The following SPTB variants were observed in gnomAD, a reference collection of about 807,000 sequenced individuals.
SPTB encodes the protein spectrin beta chain, erythrocytic.
A neutral mutation model predicts 256.2 loss-of-function variants in SPTB; 45 were observed. The ratio of observed to expected loss-of-function variants is 0.18; its 90% CI spans 0.14 to 0.23. The LOEUF is 0.23. Ranked by LOEUF, SPTB falls within the 10% of genes least tolerant of loss-of-function variation. SPTB has a pLI of 1.00. For synonymous variants in SPTB, 1,231 were observed against 1,243.1 expected (o/e 0.99, Z 0.21); for missense variants, 2,715 against 3,040.4 (o/e 0.89, Z 2.52).
rs1301821602 is a variant in SPTB, at chr14:64,802,308, T to G, written c.484A>C (p.Ile162Leu). ...CGACCTTCCTGAGTTTGGACCACAA[T>G]GTCCTGAATCTGAGGGTAGCAGAAC... ...TIILRFQIQDIVVQTQEGRET... is the reference protein window; with the variant it reads ...TIILRFQIQDLVVQTQEGRET... The change falls in exon 5 of 36, where the codon ATT becomes CTT. Residue 162 changes from isoleucine (I) to leucine (L), a missense_variant. Coordinates refer to ENST00000644917, the MANE Select transcript of SPTB (RefSeq NM_001355436.2). This position sits in a 1 kb window ranked among gnomAD's most constrained non-coding sequence, Gnocchi z 5.1. 3 of 1,614,066 alleles carry G rather than the reference T, an allele frequency of 1.9e-6. No homozygotes were observed. Among genetic ancestry groups the G allele is most frequent in the African/African-American group, 2.7e-5 (2 of 74,932 alleles).
intron 2 of SPTB, among the ~76,000 whole-genome samples, chr14:64,808,718 C>T (rs1269645297): frequency 6.6e-6 from 1 of 152,106 alleles, no homozygotes; most frequent in African/African-American, 2.4e-5. Flanking sequence ...TCAAACCCAC[C>T]AATTAACTTT....
At chr14:64,814,222 T>C (rs77882604) in intron 2 of SPTB, among the ~76,000 whole-genome samples, 1,653 of 152,250 alleles carry the variant, frequency 0.011, 59 homozygotes, top group East Asian at 0.064. Context: ...GCTTGGGGTA[T>C]AGTAATTCAA....
intron 8 of SPTB, 150 bp from the exon 9 acceptor site, chr14:64,800,084 A>G: frequency 8.5e-6 from 8 of 941,032 alleles, no homozygotes; most frequent in Non-Finnish European, 1.3e-5. Flanking sequence ...CCTGAGCCCA[A>G]GTGTGCTGGT....
intron 1 of SPTB, among the ~76,000 whole-genome samples, chr14:64,867,625 G>A (rs560867920): frequency 2.0e-5 from 3 of 152,226 alleles, no homozygotes; most frequent in African/African-American, 4.8e-5. Flanking sequence ...AGACCGAGGC[G>A]GGCACATCAC....
At chr14:64,773,828 T>C (rs1009445448) in intron 24 of SPTB, among the ~76,000 whole-genome samples, 3 of 152,052 alleles carry the variant, frequency 2.0e-5, no homozygotes, top group African/African-American at 7.2e-5. Context: ...GCCCAGACAA[T>C]GTGGCTCCCA....
rs374608409 is a variant in SPTB, at chr14:64,796,203, G to C, written c.1341+354C>G. Among the ~76,000 whole-genome samples the C allele has an allele frequency of 3.9e-5, 6 of 152,126 alleles. No individual in the cohort carries two copies. The highest frequency in any genetic ancestry group is 1.4e-4 in the African/African-American group (6 of 41,418). On this transcript the variant is annotated intron_variant, in intron 11 of 35. Coordinates refer to ENST00000644917, the MANE Select transcript of SPTB (RefSeq NM_001355436.2). The surrounding 1 kb of genome is among the most constrained non-coding windows in gnomAD (Gnocchi z 4.1). ...TTATGTCACAGCACCAGAGACCAGA[G>C]TCCAAAAGGCATGCCTGACACAGAC...
rs535591389 is a variant in SPTB, at chr14:64,866,723, A to C, written c.-52+13069T>G. Among the ~76,000 whole-genome samples, 1 of 152,284 alleles carries C rather than the reference A, an allele frequency of 6.6e-6. No homozygotes were observed. The highest frequency in any genetic ancestry group is 2.4e-5 in the African/African-American group (1 of 41,562). On this transcript the variant is annotated intron_variant, in intron 1 of 35. Coordinates refer to ENST00000644917, the MANE Select transcript of SPTB (RefSeq NM_001355436.2). This position sits in a 1 kb window ranked among gnomAD's most constrained non-coding sequence, Gnocchi z 4.6. Reference sequence around the variant, plus strand: ...GGTGAGGCTCACTTTTTGTCCGGGTAAGGCAGAAATGAGGGCAGAACAAGC... The same window carrying C: ...GGTGAGGCTCACTTTTTGTCCGGGTCAGGCAGAAATGAGGGCAGAACAAGC...
rs936565015 is a variant in SPTB at position 64,779,948 on chromosome 14, C to T, written c.4267-17G>A. 16 of 1,609,120 alleles carry T rather than the reference C, an allele frequency of 9.9e-6. No homozygotes were observed. The highest frequency in any genetic ancestry group is 8.0e-5 in the African/African-American group (6 of 74,790). On this transcript the variant is annotated splice_polypyrimidine_tract_variant and intron_variant, in intron 20 of 35. Coordinates refer to ENST00000644917, the MANE Select transcript of SPTB (RefSeq NM_001355436.2). This position sits in a 1 kb window ranked among gnomAD's most constrained non-coding sequence, Gnocchi z 4.2. ...CTCCACTCGCTGAGACACAAGGGGA[C>T]GGTGTCAGCACCAGCCTTGGCACCT...
At chr14:64,877,002 T>C (rs1882855777) in intron 1 of SPTB, among the ~76,000 whole-genome samples, 1 of 152,186 alleles carries the variant, frequency 6.6e-6, no homozygotes. Flanking sequence ...CATGGAAGGC[T>C]GGGTTCAGTG....
rs749720804 is a variant in SPTB at position 64,802,397 on chromosome 14, C to T, written c.475-80G>A. 1.8e-4 allele frequency: 240 copies of T among 1,305,108 alleles called. No individual in the cohort carries two copies. The highest frequency in any genetic ancestry group is 4.9e-4 in the Admixed American group (26 of 53,278). 80.8% of individuals were successfully genotyped at this position (1,305,108 alleles called of 1,614,324 possible). A position where few individuals can be genotyped will look rare whatever the true frequency, so the allele number is the denominator to read the frequency against. On this transcript the variant is annotated intron_variant, in intron 4 of 35. Coordinates refer to ENST00000644917, the MANE Select transcript of SPTB (RefSeq NM_001355436.2). This position sits in a 1 kb window ranked among gnomAD's most constrained non-coding sequence, Gnocchi z 5.1. ...TTTCCTGCCGTCCCTGGGAGGCTCC[C>T]TCCCTCATCCCCCCTTCACTTAACA...
chr14:64,813,022 G>A (rs151134442), intron 2 of SPTB, among the ~76,000 whole-genome samples: 1,801 of 152,246 alleles, frequency 0.012, 46 homozygotes, highest in African/African-American at 0.041. Context: ...TCAATGACAG[G>A]AAAGGATATT....
At position 64,816,741 on chromosome 14, in the gene SPTB, CAT is replaced by C. The variant is rs1401013797; in HGVS notation, c.148+6204_148+6205del. Reference sequence around the variant, plus strand: ...CCTCCTTGTCACTCTGTCTCAGTGACATGTTATAAAGGGAAAATGGAAAATTG... The same window carrying C: ...CCTCCTTGTCACTCTGTCTCAGTGACGTTATAAAGGGAAAATGGAAAATTG... On this transcript the variant is annotated intron_variant, in intron 2 of 35. Coordinates refer to ENST00000644917, the MANE Select transcript of SPTB (RefSeq NM_001355436.2). The surrounding 1 kb of genome is among the most constrained non-coding windows in gnomAD (Gnocchi z 4.2). Among the ~76,000 whole-genome samples, 9 of 152,254 alleles carry C rather than the reference CAT, an allele frequency of 5.9e-5. No individual in the cohort carries two copies. Among genetic ancestry groups the C allele is most frequent in the South Asian group, 2.1e-4 (1 of 4,828 alleles).
intron 1 of SPTB, among the ~76,000 whole-genome samples, chr14:64,872,291 T>C (rs1882576719): frequency 6.6e-6 from 1 of 152,150 alleles, no homozygotes; most frequent in African/African-American, 2.4e-5. Flanking sequence ...AATCTCATAA[T>C]CTCTATACTC....
At chr14:64,865,444 C>A (rs762826398) in intron 1 of SPTB, among the ~76,000 whole-genome samples, 6 of 152,064 alleles carry the variant, frequency 3.9e-5, no homozygotes, top group Non-Finnish European at 7.4e-5. Context: ...AAGTATTGAA[C>A]CCTTGGGATC....
At position 64,785,701 on chromosome 14, in the gene SPTB, A is replaced by AC; in HGVS notation, c.3764+47dup. 6.2e-7 allele frequency: 1 copy of AC among 1,613,084 alleles called. No homozygotes were observed. The highest frequency in any genetic ancestry group is 8.5e-7 in the Non-Finnish European group (1 of 1,179,212). ...CCTCACCAAGCTTGGGGTCCTCACT[A>AC]CCCCCGTGTGGCTCTGGGGGCCTCG... On this transcript the variant is annotated intron_variant, in intron 17 of 35. Coordinates refer to ENST00000644917, the MANE Select transcript of SPTB (RefSeq NM_001355436.2). This position sits in a 1 kb window ranked among gnomAD's most constrained non-coding sequence, Gnocchi z 4.4.
In SPTB at chr14:64,775,059, G is replaced by A. The variant is rs1392232209; in HGVS notation, c.4842+66C>T. 1.2e-6 allele frequency: 2 copies of A among 1,610,740 alleles called. No homozygotes were observed. The highest frequency in any genetic ancestry group is 2.2e-5 in the East Asian group (1 of 44,848). On this transcript the variant is annotated intron_variant, in intron 23 of 35. Coordinates refer to ENST00000644917, the MANE Select transcript of SPTB (RefSeq NM_001355436.2). The surrounding 1 kb of genome is among the most constrained non-coding windows in gnomAD (Gnocchi z 5.0). ...AGTTGGACTCACAAGGCTCCCTACC[G>A]ACAGCCAACCTCAACTCTTCCTCTC... is the stretch of plus-strand genomic sequence containing the variant.
chr14:64,852,950 C>A lies in SPTB; in HGVS notation c.-52+26842G>T, dbSNP rs769193013. Among the ~76,000 whole-genome samples, 1 of 152,126 alleles carries A rather than the reference C, an allele frequency of 6.6e-6. No homozygotes were observed. Among genetic ancestry groups the A allele is most frequent in the Non-Finnish European group, 1.5e-5 (1 of 68,022 alleles). Reference sequence around the variant, plus strand: ...ATAATTTACACATTGCAGAGTGCTGCCGAGGAGACGTATAGGTACTAGGCA... The same window carrying A: ...ATAATTTACACATTGCAGAGTGCTGACGAGGAGACGTATAGGTACTAGGCA... On this transcript the variant is annotated intron_variant, in intron 1 of 35. Transcript: ENST00000644917. The surrounding 1 kb of genome is among the most constrained non-coding windows in gnomAD (Gnocchi z 4.2).
At chr14:64,755,179 T>C (rs2139436400) in intron 32 of SPTB, 1 of 152,330 alleles carries the variant, frequency 6.6e-6, no homozygotes, top group South Asian at 2.1e-4. Context: ...GAGCAGACCA[T>C]GTTCTCCTCC....
rs1184375761 is a variant in SPTB at position 64,786,362 on chromosome 14, C to T, written c.3561+42G>A. ...TGTGGACTCACCACAAGAGCTACTG[C>T]CCTGAGAGACCCGCCTGTCCCAGCC... On this transcript the variant is annotated intron_variant, in intron 16 of 35. Transcript: ENST00000644917. The surrounding 1 kb of genome is among the most constrained non-coding windows in gnomAD (Gnocchi z 5.6). The T allele has an allele frequency of 2.5e-6, 4 of 1,612,490 alleles. No individual in the cohort carries two copies. In the Admixed American group the frequency reaches 5.0e-5, roughly 20 times the overall value.
Sources: gnomAD v4.1 joint callset for allele counts (sites outside exome capture counted in the v4.1 genomes callset) on GRCh38, gnomAD v4.1.1 for gene constraint, Gnocchi (gnomAD v3.1) non-coding constraint, MANE v1.5 for transcripts, NCBI Gene and HGNC (gene_info 2026-07-23, HGNC 2026-07-21) for gene names.